HIVEP3: variants seen among roughly 807,000 people sequenced by gnomAD.
HIVEP3 encodes HIVEP zinc finger 3, also known as transcription factor HIVEP3.
HIVEP3 carries 49 observed loss-of-function variants against 152.8 expected under a neutral mutation model. The observed-to-expected ratio is 0.32, with a 90% CI of 0.26 to 0.41. The LOEUF is 0.41. Ranked by LOEUF, HIVEP3 falls within the 10% of genes least tolerant of loss-of-function variation. The probability of loss-of-function intolerance (pLI) is 1.00; values close to 1 mark genes in which losing one functional copy is unlikely to be tolerated. For missense variants in HIVEP3, 2,790 were observed against 3,103.3 expected, an observed-to-expected ratio of 0.90 and a Z score of 2.40; for synonymous variants, 1,269 against 1,289.0, an observed-to-expected ratio of 0.98 and a Z score of 0.33.
intron 3 of HIVEP3, among the ~76,000 whole-genome samples, chr1:41,626,165 G>C (rs1645113507): frequency 6.6e-6 from 1 of 152,180 alleles, no homozygotes; most frequent in Non-Finnish European, 1.5e-5. Flanking sequence ...GCCTCTGATG[G>C]TGCTGATGGG....
At chr1:41,677,800 G>A (rs1006744182) in intron 2 of HIVEP3, among the ~76,000 whole-genome samples, 6 of 152,226 alleles carry the variant, frequency 3.9e-5, no homozygotes, top group Admixed American at 6.5e-5. Context: ...AGGTGAGTCC[G>A]CAGGAACAAC....
intron 3 of HIVEP3, among the ~76,000 whole-genome samples, chr1:41,616,837 A>G (rs1246412549): frequency 6.6e-6 from 1 of 152,188 alleles, no homozygotes; most frequent in Non-Finnish European, 1.5e-5. Context: ...TCTAGGCTAC[A>G]GGCCAATAGG....
chr1:41,565,658 C>T (rs1644151467), intron 5 of HIVEP3, among the ~76,000 whole-genome samples: 1 of 152,010 alleles, frequency 6.6e-6, no homozygotes, highest in Admixed American at 6.6e-5. Context: ...TCCTGGGAGC[C>T]CAGCCTGATT....
chr1:41,847,299 G>A (rs562386147), intron 1 of HIVEP3: 1 of 152,340 alleles, frequency 6.6e-6, no homozygotes, highest in African/African-American at 2.4e-5. Context: ...CTGTAGCTAT[G>A]TAAATGAGTA....
At chr1:41,514,351 A>C (rs1001760239) in intron 7 of HIVEP3, among the ~76,000 whole-genome samples, 1 of 152,250 alleles carries the variant, frequency 6.6e-6, no homozygotes, top group African/African-American at 2.4e-5. Flanking sequence ...TACCATATTA[A>C]TACATTAATG....
intron 1 of HIVEP3, among the ~76,000 whole-genome samples, chr1:42,029,316 G>C (rs369465799): frequency 6.6e-6 from 1 of 152,102 alleles, no homozygotes; most frequent in African/African-American, 2.4e-5. Flanking sequence ...GAGACAGAAG[G>C]CTTATTGAAA....
chr1:41,921,207 G>A (rs1269946215), upstream of HIVEP3, among the ~76,000 whole-genome samples: 1 of 152,146 alleles, frequency 6.6e-6, no homozygotes, highest in Non-Finnish European at 1.5e-5. Flanking sequence ...CAAAGTAGAT[G>A]GGACATGGGA....
chr1:41,806,011 G>A (rs1650586673), intron 1 of HIVEP3, among the ~76,000 whole-genome samples: 1 of 152,202 alleles, frequency 6.6e-6, no homozygotes, highest in Non-Finnish European at 1.5e-5. Flanking sequence ...AGCACAGGTT[G>A]AGTAAATCAC....
chr1:41,826,368 G>A (rs543203274), intron 1 of HIVEP3, among the ~76,000 whole-genome samples: 6 of 152,260 alleles, frequency 3.9e-5, no homozygotes, highest in East Asian at 3.9e-4. Flanking sequence ...CTCACTCAGC[G>A]CTTCAAGTGT....
At chr1:41,882,528 G>T (rs1271337490) in intron 1 of HIVEP3, among the ~76,000 whole-genome samples, 1 of 152,128 alleles carries the variant, frequency 6.6e-6, no homozygotes, top group Admixed American at 6.5e-5. Context: ...GATTTCCCAT[G>T]AAAAAGACAT....
At chr1:41,567,912 G>A (rs531220062) in intron 5 of HIVEP3, among the ~76,000 whole-genome samples, 9 of 152,318 alleles carry the variant, frequency 5.9e-5, no homozygotes, top group East Asian at 3.9e-4. Context: ...TTTCGCCTTC[G>A]TTGTGTCCTT....
chr1:41,851,644 G>A (rs1557446625), intron 1 of HIVEP3, among the ~76,000 whole-genome samples: 1 of 152,152 alleles, frequency 6.6e-6, no homozygotes, highest in African/African-American at 2.4e-5. Flanking sequence ...TGGAATTTGA[G>A]ACTTTCCTTC....
intron 1 of HIVEP3, among the ~76,000 whole-genome samples, chr1:41,945,846 ACT>A (rs1645071956): frequency 6.6e-6 from 1 of 152,084 alleles, no homozygotes; most frequent in African/African-American, 2.4e-5. Flanking sequence ...CTGTCACCTG[ACT>A]CTACTGAAGG....
chr1:41,963,051 A>G (rs1645177402), intron 1 of HIVEP3, among the ~76,000 whole-genome samples: 2 of 152,100 alleles, frequency 1.3e-5, no homozygotes, highest in African/African-American at 4.8e-5. Context: ...TCGCTCTGTC[A>G]CCCAGGCTGG....
chr1:41,518,942 G>A (rs1318227721), intron 6 of HIVEP3, among the ~76,000 whole-genome samples: 3 of 151,986 alleles, frequency 2.0e-5, no homozygotes, highest in South Asian at 2.1e-4. Context: ...CCGGCATGAC[G>A]GGTGAGGACT....
chr1:41,511,346 G>C lies in HIVEP3; in HGVS notation c.6406-80C>G. ...GGAGCCGAGGCCTGGAAGTGGGAGG[G>C]GGACTCGCCCAAGATCACAGAGCGA... is the stretch of plus-strand genomic sequence containing the variant. On this transcript the variant is annotated intron_variant, in intron 8 of 8. Transcript: ENST00000372583. This position sits in a 1 kb window ranked among gnomAD's most constrained non-coding sequence, Gnocchi z 4.9. 7.9e-7 allele frequency: 1 copy of C among 1,272,450 alleles called. No individual in the cohort carries two copies. 78.8% of individuals were successfully genotyped at this position (1,272,450 alleles called of 1,614,324 possible). A position where few individuals can be genotyped will look rare whatever the true frequency, so the allele number is the denominator to read the frequency against.
At chr1:41,551,532 A>G (rs868732275) in intron 5 of HIVEP3, among the ~76,000 whole-genome samples, 1 of 152,142 alleles carries the variant, frequency 6.6e-6, no homozygotes, top group Non-Finnish European at 1.5e-5. Context: ...TTGGTAGGCT[A>G]TTAATTATTG....
intron 1 of HIVEP3, among the ~76,000 whole-genome samples, chr1:41,748,560 C>T (rs775764215): frequency 1.3e-5 from 2 of 152,184 alleles, no homozygotes; most frequent in Admixed American, 1.3e-4. Flanking sequence ...ACAATAAGGG[C>T]GGTTAACATT....
chr1:41,761,413 T>A (rs376268430), intron 1 of HIVEP3, among the ~76,000 whole-genome samples: 7 of 152,172 alleles, frequency 4.6e-5, no homozygotes, highest in African/African-American at 1.7e-4. Flanking sequence ...CACATGCATG[T>A]GCATGTATAA....
Sources: gnomAD v4.1 joint callset for allele counts (sites outside exome capture counted in the v4.1 genomes callset) on GRCh38, gnomAD v4.1.1 for gene constraint, Gnocchi (gnomAD v3.1) non-coding constraint, MANE v1.5 for transcripts, NCBI Gene and HGNC (gene_info 2026-07-23, HGNC 2026-07-21) for gene names.